The following BEST1 variants were observed in gnomAD, a reference collection of about 807,000 sequenced individuals.
BEST1 encodes the protein bestrophin-1.
A neutral mutation model predicts 63.3 loss-of-function variants in BEST1; 58 were observed. The ratio of observed to expected loss-of-function variants is 0.92; its 90% CI spans 0.74 to 1.14. BEST1 has a LOEUF of 1.14. Among genes scored for constraint, BEST1 ranks in the 50% most tolerant of loss-of-function variants. The pLI is 0.00. For missense variants in BEST1, 671 were observed against 740.1 expected (o/e 0.91, Z 1.08); for synonymous variants, 283 against 291.6 (o/e 0.97, Z 0.30).
In BEST1 at chr11:61,963,165, A is replaced by C. The variant is rs138607034; in HGVS notation, c.1739+272A>C. ...AGGAAGATGAGGTTGTGCTGACCAG[A>C]ATGCTGCTGGAGAACTGCCCCAGGG... On this transcript the variant is annotated intron_variant, in intron 10 of 10. Coordinates refer to ENST00000378043, the MANE Select transcript of BEST1 (RefSeq NM_004183.4). 5,229 of 1,444,386 alleles carry C rather than the reference A, an allele frequency of 3.6e-3. 24 individuals carry two copies. The highest frequency in any genetic ancestry group is 4.3e-3 in the South Asian group (277 of 64,244). 89.5% of individuals were successfully genotyped at this position (1,444,386 alleles called of 1,614,324 possible).
downstream of BEST1, chr11:61,964,719 C>A: frequency 1.3e-6 from 2 of 1,597,922 alleles, no homozygotes; most frequent in Non-Finnish European, 1.7e-6. Context: ...GGGAAATTAG[C>A]CCGAGGCTTA....
intron 7 of BEST1, chr11:61,958,906 ATACACACACACACACACGC>A (rs1941716041): frequency 7.2e-5 from 1 of 13,820 alleles, no homozygotes. Context: ...ACACACACAC[ATACACACACACACACACGC>A]ATTCCTATTC....
chr11:61,954,193 C>T (rs1941022192), intron 2 of BEST1, among the ~76,000 whole-genome samples: 1 of 152,124 alleles, frequency 6.6e-6, no homozygotes, highest in African/African-American at 2.4e-5. Context: ...AGGTAGAGTT[C>T]TCATGTGTCT....
At chr11:61,953,937 T>A (rs927705812) in intron 2 of BEST1, among the ~76,000 whole-genome samples, 2 of 151,438 alleles carry the variant, frequency 1.3e-5, no homozygotes, top group Non-Finnish European at 2.9e-5. Flanking sequence ...ACCAAAAACA[T>A]TTATCTAAAC....
chr11:61,963,751 T>C, intron 10 of BEST1: 2 of 1,178,218 alleles, frequency 1.7e-6, no homozygotes, highest in Non-Finnish European at 2.1e-6. Flanking sequence ...TTTAAGAATC[T>C]TGTCTTGGGC....
rs1161552731 is a variant in BEST1, at chr11:61,958,061, T to C, written c.715-85T>C. The C allele has an allele frequency of 3.7e-6, 6 of 1,606,164 alleles. No homozygotes were observed. The African/African-American group carries it at 4.0e-5, about 11-fold the overall frequency. On this transcript the variant is annotated intron_variant, in intron 6 of 10. Transcript: ENST00000378043. ...AAGTCAGAACAAGGCCTTGGTCTCC[T>C]GTCTCAGACTCCCAGCCCCTGGAGC...
chr11:61,959,694 C>T, intron 8 of BEST1, 116 bp downstream of exon 8: 1 of 1,322,302 alleles, frequency 7.6e-7, no homozygotes, highest in South Asian at 1.2e-5. Context: ...TTCCCCTCCT[C>T]CCTCCTGCAG....
Position 61,955,130 on chromosome 11 carries a change from A to T in BEST1, c.176A>T (p.Gln59Leu), listed in dbSNP as rs1941144580. The T allele has an allele frequency of 6.2e-7, 1 of 1,613,966 alleles. No individual in the cohort carries two copies. The part of the protein sequence containing the change: ...IYRLALTEEQ[Q>L]LMFEKLTLYC... ...AGGCTGGCCCTCACGGAAGAACAAC[A>T]GCTGATGTTTGAGAAACTGACTCTG... The change falls in exon 3 of 11, where the codon CAG becomes CTG. Residue 59 changes from glutamine to leucine, a missense_variant. Gln to Leu is a moderately radical substitution (Grantham distance 113). Coordinates refer to ENST00000378043, the MANE Select transcript of BEST1 (RefSeq NM_004183.4).
intron 6 of BEST1, 149 bp downstream of exon 6, chr11:61,957,613 G>A: frequency 1.3e-6 from 1 of 771,848 alleles, no homozygotes; most frequent in Non-Finnish European, 2.3e-6. Context: ...GGACTTTGAA[G>A]TGCCAAGTTC....
At chr11:61,958,531 G>A in intron 7 of BEST1, 1 of 1,064,502 alleles carries the variant, frequency 9.4e-7, no homozygotes, top group East Asian at 2.6e-5. Flanking sequence ...CTGCACTCCA[G>A]CCTGGGCAAA....
At chr11:61,952,730 G>A (rs1303080914) in intron 2 of BEST1, among the ~76,000 whole-genome samples, 1 of 151,706 alleles carries the variant, frequency 6.6e-6, no homozygotes, top group East Asian at 1.9e-4. Context: ...ACCCACCTCG[G>A]CCTCCCAAAG....
Position 61,962,362 on chromosome 11 carries a change from C to G in BEST1, c.1208C>G (p.Pro403Arg). The G allele has an allele frequency of 6.2e-7, 1 of 1,614,192 alleles. No individual in the cohort carries two copies. The highest frequency in any genetic ancestry group is 8.5e-7 in the Non-Finnish European group (1 of 1,180,028). The change falls in exon 10 of 11, where the codon CCT becomes CGT. Residue 403 changes from proline (P) to arginine (R), a missense_variant. Coordinates refer to ENST00000378043, the MANE Select transcript of BEST1 (RefSeq NM_004183.4). ...GGCCTGCAGTCCCATGATCACCATC[C>G]TCCCAGGGCAAACTCAAGGACCAAA... is the stretch of plus-strand genomic sequence containing the variant. ...FLGLQSHDHH[P>R]PRANSRTKLL...
chr11:61,955,669 T>G, intron 3 of BEST1, 49 bp from the exon 4 acceptor site: 1 of 1,525,310 alleles, frequency 6.6e-7, no homozygotes, highest in Non-Finnish European at 8.9e-7. Flanking sequence ...CCCTGGGCTC[T>G]GGCCGCAGCC....
chr11:61,959,187 T>C (rs1435550014), intron 7 of BEST1: 3 of 438,514 alleles, frequency 6.8e-6, no homozygotes, highest in East Asian at 4.7e-5. Context: ...CATGAATGAA[T>C]AAAATTATGC....
At chr11:61,959,749 C>A in intron 8 of BEST1, 143 bp from the exon 9 acceptor site, 1 of 1,346,672 alleles carries the variant, frequency 7.4e-7, no homozygotes, top group Non-Finnish European at 1.0e-6. Flanking sequence ...TTTGAGGCTG[C>A]AGGCAGGCAC....
Position 61,959,570 on chromosome 11 carries a change from A to C in BEST1, c.940A>C (p.Asn314His), listed in dbSNP as rs374380288. Residue 314 changes from asparagine (N) to histidine (H), a missense_variant, in exon 8 of 11, where the codon AAT becomes CAT. By Grantham distance (68) the Asn-to-His change is moderately conservative (BLOSUM62 1). Transcript: ENST00000378043. ...TGAGACCAACTGGATTGTCGACAGGAATTTGCAGGTATGGGGAGAGGGAGA... is the reference window on the plus strand; with the variant it reads ...TGAGACCAACTGGATTGTCGACAGGCATTTGCAGGTATGGGGAGAGGGAGA... The part of the protein sequence containing the change: ...DFETNWIVDR[N>H]LQVSLLAVDE... The C allele has an allele frequency of 1.2e-6, 2 of 1,614,114 alleles. No individual in the cohort carries two copies. Among genetic ancestry groups the C allele is most frequent in the East Asian group, 2.2e-5 (1 of 44,880 alleles).
At position 61,955,087 on chromosome 11, in the gene BEST1, A is replaced by ACCCCCCCCCCCCC; in HGVS notation, c.153-15_153-14insCCCCCCCCCCCCC. 2.9e-6 allele frequency: 3 copies of ACCCCCCCCCCCCC among 1,042,154 alleles called. No individual in the cohort carries two copies. In the Admixed American group the frequency reaches 5.1e-5, roughly 18 times the overall value. 64.6% of individuals were successfully genotyped at this position (1,042,154 alleles called of 1,614,324 possible). A position where few individuals can be genotyped will look rare whatever the true frequency, so the allele number is the denominator to read the frequency against. On this transcript the variant is annotated intron_variant, in intron 2 of 10. Coordinates refer to ENST00000378043, the MANE Select transcript of BEST1 (RefSeq NM_004183.4). ...CTCCTCGCTGCGTCCACACAATTCC[A>ACCCCCCCCCCCCC]CCCCCACCCCCACCCCCAGGCTGGC...
intron 2 of BEST1, among the ~76,000 whole-genome samples, chr11:61,954,238 A>G (rs916959669): frequency 4.0e-5 from 6 of 151,506 alleles, no homozygotes; most frequent in Non-Finnish European, 7.4e-5. Context: ...CCTCCCCACT[A>G]TCAACACCCC....
At chr11:61,959,257 C>T (rs1336534997) in intron 7 of BEST1, 32 of 580,834 alleles carry the variant, frequency 5.5e-5, no homozygotes. Flanking sequence ...GTGATACACT[C>T]AGGGACAGCT....
Sources: gnomAD v4.1 joint callset for allele counts (sites outside exome capture counted in the v4.1 genomes callset) on GRCh38, gnomAD v4.1.1 for gene constraint, MANE v1.5 for transcripts, NCBI Gene and HGNC (gene_info 2026-07-23, HGNC 2026-07-21) for gene names.